The following TDRD12 variants were observed in gnomAD, a reference collection of about 807,000 sequenced individuals.
The protein encoded by TDRD12 is putative ATP-dependent RNA helicase TDRD12.
In TDRD12, 158 loss-of-function variants were observed where a neutral mutation model predicts 133.5. That is an observed-to-expected ratio of 1.18 (90% CI 1.04 to 1.35). TDRD12 has a LOEUF of 1.35. TDRD12 is among the 40% of genes most tolerant of loss of function. TDRD12 has a pLI of 0.00. For missense variants in TDRD12, 1,443 were observed against 1,321.3 expected, an observed-to-expected ratio of 1.09 and a Z score of -1.43; for synonymous variants, 460 against 477.9, an observed-to-expected ratio of 0.96 and a Z score of 0.49.
downstream of TDRD12, chr19:32,821,387 TGTGTGTGTGTGTGTGTGTGTGTGC>T (rs1417114239): frequency 4.5e-5 from 18 of 403,590 alleles, no homozygotes; most frequent in Middle Eastern, 1.3e-3. Flanking sequence ...TGTGTGTGTG[TGTGTGTGTGTGTGTGTGTGTGTGC>T]GTGTGAACCA....
chr19:32,820,954 C>T (rs1967362024), intron 27 of TDRD12, 79 bp from the exon 28 acceptor site: 3 of 1,185,932 alleles, frequency 2.5e-6, no homozygotes, highest in African/African-American at 3.1e-5. Context: ...ACTTCACGGT[C>T]ATTTATTGCC....
intron 14 of TDRD12, among the ~76,000 whole-genome samples, chr19:32,795,966 C>A (rs1040649299): frequency 6.6e-6 from 1 of 152,176 alleles, no homozygotes; most frequent in South Asian, 2.1e-4. Flanking sequence ...CACCCCCCAC[C>A]AGCCCCCACC....
rs1735071328 is a variant in TDRD12 at position 32,756,049 on chromosome 19, A to G, written c.640A>G (p.Lys214Glu). 2.7e-6 allele frequency: 4 copies of G among 1,479,994 alleles called. No homozygotes were observed. The East Asian group carries it at 8.3e-5, about 31-fold the overall frequency. The allele number at this position is 1,479,994 out of a possible 1,614,324, so 91.7% of individuals were successfully genotyped here. ...CTATGCTTGTTATATGTCACCTACA[A>G]AGAATAAAAACCTTGATTATTTAGA... Residue 214 changes from lysine to glutamate, a missense_variant, in exon 7 of 28, where the codon AAG (lysine) becomes GAG (glutamate). Transcript: ENST00000444215.
At chr19:32,802,962 T>G in exon 21 of TDRD12, 1 of 1,536,056 alleles carries the variant, frequency 6.5e-7, no homozygotes, top group Non-Finnish European at 8.7e-7. Flanking sequence ...GCCAAATCTG[T>G]CTTGCTGCTG....
At chr19:32,791,489 A>T (rs1971069652) in intron 13 of TDRD12, among the ~76,000 whole-genome samples, 3 of 152,172 alleles carry the variant, frequency 2.0e-5, no homozygotes, top group African/African-American at 7.2e-5. Flanking sequence ...TTTCCTGATT[A>T]AAAAAAGTTA....
At chr19:32,773,326 C>G in intron 9 of TDRD12, 130 bp from the exon 10 acceptor site, 1 of 784,694 alleles carries the variant, frequency 1.3e-6, no homozygotes, top group East Asian at 2.7e-5. Context: ...CTCTCTATCT[C>G]TGTGTGTGCA....
At chr19:32,730,409 T>C (rs1334713713) in intron 1 of TDRD12, among the ~76,000 whole-genome samples, 1 of 152,092 alleles carries the variant, frequency 6.6e-6, no homozygotes. Flanking sequence ...CTTTCAAGGG[T>C]TGAATCTCCT....
intron 11 of TDRD12, 61 bp downstream of exon 11, chr19:32,777,290 A>AC: frequency 1.9e-6 from 2 of 1,041,014 alleles, no homozygotes; most frequent in Non-Finnish European, 2.8e-6. Context: ...AATTATAAAC[A>AC]AGAGAAATCT....
At chr19:32,765,107 A>G (rs1401380870) in intron 8 of TDRD12, among the ~76,000 whole-genome samples, 7 of 152,378 alleles carry the variant, frequency 4.6e-5, no homozygotes, top group Admixed American at 4.6e-4. Flanking sequence ...TCAAAAGAAG[A>G]CATTTATGCA....
At chr19:32,751,817 G>T (rs1262670133) in intron 6 of TDRD12, among the ~76,000 whole-genome samples, 1 of 151,926 alleles carries the variant, frequency 6.6e-6, no homozygotes, top group East Asian at 1.9e-4. Context: ...CAAAGTGCTG[G>T]TATCACAGGT....
In TDRD12 at chr19:32,767,399, G is replaced by T. The variant is rs372175821; in HGVS notation, c.866-5354G>T. 3.3e-5 allele frequency among the ~76,000 whole-genome samples: 5 copies of T among 152,106 alleles called. No homozygotes were observed. In the East Asian group the frequency reaches 9.6e-4, roughly 29 times the overall value. Reference sequence around the variant, plus strand: ...CCGACTCGGCCTCCCAAAGTGCTGGGATTACAGGCATGAGCCACTGTGCCC... The same window carrying T: ...CCGACTCGGCCTCCCAAAGTGCTGGTATTACAGGCATGAGCCACTGTGCCC... On this transcript the variant is annotated intron_variant, in intron 8 of 27. Transcript: ENST00000444215.
intron 8 of TDRD12, among the ~76,000 whole-genome samples, chr19:32,759,488 G>A (rs1447378985): frequency 1.3e-5 from 2 of 151,736 alleles, no homozygotes; most frequent in East Asian, 3.9e-4. Flanking sequence ...ACAGCTCACT[G>A]CAGCCTCAAC....
At chr19:32,778,795 C>T (rs768738756) in intron 11 of TDRD12, among the ~76,000 whole-genome samples, 35 of 152,136 alleles carry the variant, frequency 2.3e-4, no homozygotes, top group African/African-American at 7.0e-4. Context: ...CCACTGTGCC[C>T]GGATGACCCT....
intron 4 of TDRD12, among the ~76,000 whole-genome samples, chr19:32,746,735 A>G (rs1254148003): frequency 1.4e-5 from 2 of 140,088 alleles, no homozygotes; most frequent in Non-Finnish European, 3.0e-5. Flanking sequence ...TGATGTGGTT[A>G]TTCTGTGTGT....
intron 11 of TDRD12, 100 bp downstream of exon 11, chr19:32,777,329 C>A (rs1480427258): frequency 2.5e-6 from 2 of 788,472 alleles, no homozygotes; most frequent in Non-Finnish European, 1.9e-6. Context: ...TTCAAACCTG[C>A]ATTCCCATCA....
chr19:32,743,032 AGTC>A, intron 4 of TDRD12, 132 bp downstream of exon 4: 1 of 1,155,252 alleles, frequency 8.7e-7, no homozygotes, highest in Non-Finnish European at 1.2e-6. Flanking sequence ...GGGGCTTCTG[AGTC>A]AGTGTTTGTC....
At chr19:32,802,264 A>G (rs562167756) in intron 19 of TDRD12, among the ~76,000 whole-genome samples, 20 of 148,910 alleles carry the variant, frequency 1.3e-4, no homozygotes, top group African/African-American at 4.9e-4. Context: ...GTGATCATAT[A>G]TATGATCATA....
At chr19:32,810,497 C>T (rs916161168) in intron 23 of TDRD12, among the ~76,000 whole-genome samples, 3 of 152,208 alleles carry the variant, frequency 2.0e-5, no homozygotes, top group Admixed American at 6.5e-5. Context: ...TCACTGCGTG[C>T]GACATACACA....
downstream of TDRD12, among the ~76,000 whole-genome samples, chr19:32,825,424 G>A (rs1385689519): frequency 6.6e-6 from 1 of 152,158 alleles, no homozygotes; most frequent in Non-Finnish European, 1.5e-5. This position sits in a 1 kb window ranked among gnomAD's most constrained non-coding sequence, Gnocchi z 4.1. Context: ...CCTCGTGCGT[G>A]CTGGCCGCTG....
Sources: gnomAD v4.1 joint callset for allele counts (sites outside exome capture counted in the v4.1 genomes callset) on GRCh38, gnomAD v4.1.1 for gene constraint, Gnocchi (gnomAD v3.1) non-coding constraint, MANE v1.5 for transcripts, NCBI Gene and HGNC (gene_info 2026-07-23, HGNC 2026-07-21) for gene names.